TMEM255B: variants seen among roughly 807,000 people sequenced by gnomAD.
The protein encoded by TMEM255B is family with sequence similarity 70, member B.
Under a neutral mutation model 34.5 loss-of-function variants are expected in TMEM255B, and 35 were observed. That is an observed-to-expected ratio of 1.01 (90% CI 0.77 to 1.34). The LOEUF (loss-of-function observed/expected upper bound fraction) is 1.34, where lower values mean the gene tolerates loss of function less well. Ranked by LOEUF, TMEM255B falls within the 40% of genes most tolerant of loss-of-function variation. TMEM255B has a pLI of 0.00. For synonymous variants in TMEM255B, 206 were observed against 201.2 expected (o/e 1.02, Z -0.20); for missense variants, 432 against 433.2 (o/e 1.00, Z 0.02).
intron 4 of TMEM255B, 105 bp downstream of exon 4, chr13:113,795,342 C>T (rs529375874): frequency 1.1e-3 from 1,296 of 1,205,018 alleles, no homozygotes; most frequent in Non-Finnish European, 1.4e-3. Context: ...ACGGCTTCAC[C>T]GTCAGTCTCC....
intron 3 of TMEM255B, among the ~76,000 whole-genome samples, chr13:113,789,145 G>A (rs889521821): frequency 2.7e-5 from 4 of 150,512 alleles, no homozygotes; most frequent in African/African-American, 9.8e-5. Context: ...TGATCACCAT[G>A]ACCTTATGCT....
chr13:113,769,078 C>T lies in TMEM255B; in HGVS notation c.190-20C>T, dbSNP rs371074569. The T allele has an allele frequency of 1.5e-5, 24 of 1,613,694 alleles. No homozygotes were observed. The highest frequency in any genetic ancestry group is 1.6e-4 in the Middle Eastern group (1 of 6,084). ...GGCACGTTAATGAGTGTTTCTCTCTCGTTCTTCCTTTGGTTTTAGCTCGGC... is the reference window on the plus strand; with the variant it reads ...GGCACGTTAATGAGTGTTTCTCTCTTGTTCTTCCTTTGGTTTTAGCTCGGC... On this transcript the variant is annotated intron_variant, in intron 2 of 8. Transcript: ENST00000375353. The surrounding 1 kb of genome is among the most constrained non-coding windows in gnomAD (Gnocchi z 4.2).
chr13:113,802,421 C>T (rs965214121), intron 7 of TMEM255B, among the ~76,000 whole-genome samples: 3 of 152,200 alleles, frequency 2.0e-5, no homozygotes, highest in Non-Finnish European at 4.4e-5. Flanking sequence ...GCAAACCCCG[C>T]CCCCTGAACT....
At position 113,770,517 on chromosome 13, in the gene TMEM255B, G is replaced by A. The variant is rs2050460802; in HGVS notation, c.252+1357G>A. ...GGGTGGGAGGTCCCTGGAGGGTTGG[G>A]GGTGGCTGCAAAGACACTGGGATTC... On this transcript the variant is annotated intron_variant, in intron 3 of 8. Coordinates refer to ENST00000375353, the MANE Select transcript of TMEM255B (RefSeq NM_182614.4). This position sits in a 1 kb window ranked among gnomAD's most constrained non-coding sequence, Gnocchi z 4.6. 6.6e-6 allele frequency among the ~76,000 whole-genome samples: 1 copy of A among 152,194 alleles called. No homozygotes were observed. The highest frequency in any genetic ancestry group is 2.4e-5 in the African/African-American group (1 of 41,448).
At chr13:113,772,132 T>C (rs1343472259) in intron 3 of TMEM255B, among the ~76,000 whole-genome samples, 2 of 152,354 alleles carry the variant, frequency 1.3e-5, no homozygotes, top group East Asian at 3.9e-4. Context: ...TATTGGCCGT[T>C]TGCATATGTT....
At chr13:113,794,054 A>G (rs766839558) in intron 3 of TMEM255B, among the ~76,000 whole-genome samples, 35 of 152,202 alleles carry the variant, frequency 2.3e-4, no homozygotes, top group Admixed American at 1.3e-4. Context: ...GGGTGACGAT[A>G]GGTGTGCAGC....
intron 7 of TMEM255B, chr13:113,803,297 C>G (rs1209211994): frequency 6.7e-6 from 1 of 148,412 alleles, no homozygotes; most frequent in Non-Finnish European, 1.5e-5. Flanking sequence ...AAGGAGAGGA[C>G]TTGCTAACCT....
At chr13:113,804,647 G>T (rs2051131525) in intron 7 of TMEM255B, among the ~76,000 whole-genome samples, 2 of 142,798 alleles carry the variant, frequency 1.4e-5, no homozygotes, top group African/African-American at 5.1e-5. Flanking sequence ...CGCACGCCGG[G>T]CCGGGGTTAG....
At position 113,806,513 on chromosome 13, in the gene TMEM255B, G is replaced by A. The variant is rs1255132358; in HGVS notation, c.813+1485G>A. ...GGGGCCCTGCTCCCTGGGAACACAA[G>A]GCCCCTGCTGGAGGTCTGGCCTGGA... is the stretch of plus-strand genomic sequence containing the variant. On this transcript the variant is annotated intron_variant, in intron 8 of 8. Coordinates refer to ENST00000375353, the MANE Select transcript of TMEM255B (RefSeq NM_182614.4). The surrounding 1 kb of genome is among the most constrained non-coding windows in gnomAD (Gnocchi z 4.2). Among the ~76,000 whole-genome samples the A allele has an allele frequency of 3.3e-5, 5 of 152,272 alleles. No homozygotes were observed. In the East Asian group the frequency reaches 7.7e-4, roughly 24 times the overall value.
At chr13:113,761,147 G>A in intron 1 of TMEM255B, 1 of 982,280 alleles carries the variant, frequency 1.0e-6, no homozygotes, top group Non-Finnish European at 1.2e-6. Context: ...ACCATGACTG[G>A]TGTCCCCACA....
chr13:113,805,795 C>G (rs1399977870), intron 8 of TMEM255B, among the ~76,000 whole-genome samples: 1 of 152,132 alleles, frequency 6.6e-6, no homozygotes, highest in Non-Finnish European at 1.5e-5. Flanking sequence ...GTGCCGTGTG[C>G]CCCCGGGGAC....
At chr13:113,771,409 C>T (rs7997306) in intron 3 of TMEM255B, among the ~76,000 whole-genome samples, 24,917 of 152,150 alleles carry the variant, frequency 0.16, 2,240 homozygotes, top group Middle Eastern at 0.24. Flanking sequence ...GGGCCGGACA[C>T]GGTGGCTCAT....
rs767599243 is a variant in TMEM255B, at chr13:113,806,593, C to T, written c.813+1565C>T. Among the ~76,000 whole-genome samples, 12 of 152,274 alleles carry T rather than the reference C, an allele frequency of 7.9e-5. No homozygotes were observed. Among genetic ancestry groups the T allele is most frequent in the African/African-American group, 2.6e-4 (11 of 41,564 alleles). ...AGATGTGGTCCCCAGGGTCAGATGG[C>T]GGGAGCTTTTGCCAGCGACCCTGCA... On this transcript the variant is annotated intron_variant, in intron 8 of 8. Coordinates refer to ENST00000375353, the MANE Select transcript of TMEM255B (RefSeq NM_182614.4). The surrounding 1 kb of genome is among the most constrained non-coding windows in gnomAD (Gnocchi z 4.2).
chr13:113,807,102 G>C (rs1487847512), intron 8 of TMEM255B, among the ~76,000 whole-genome samples: 2 of 152,200 alleles, frequency 1.3e-5, no homozygotes, highest in Non-Finnish European at 2.9e-5. Context: ...GGGCCCGGCT[G>C]TCTGAAGCTC....
Position 113,806,639 on chromosome 13 carries a change from G to T in TMEM255B, c.813+1611G>T, listed in dbSNP as rs2051177275. Among the ~76,000 whole-genome samples, 1 of 152,160 alleles carries T rather than the reference G, an allele frequency of 6.6e-6. No individual in the cohort carries two copies. Among genetic ancestry groups the T allele is most frequent in the Admixed American group, 6.5e-5 (1 of 15,288 alleles). ...CTGCAGTGGTCACTCCTGCAGGCAG[G>T]CGCGTCTGCTTGGTGCCACAGGCAG... On this transcript the variant is annotated intron_variant, in intron 8 of 8. Transcript: ENST00000375353. This position sits in a 1 kb window ranked among gnomAD's most constrained non-coding sequence, Gnocchi z 4.2.
Position 113,801,785 on chromosome 13 carries a change from C to T in TMEM255B, c.642C>T (p.Ala214=), listed in dbSNP as rs369567975. 64 of 1,611,618 alleles carry T rather than the reference C, an allele frequency of 4.0e-5. No homozygotes were observed. The highest frequency in any genetic ancestry group is 3.0e-4 in the Admixed American group (18 of 59,752). Reference sequence around the variant, plus strand: ...GCCTGTTCCTGGGCATCATCACCGCCGCCGTCCTGGGGGCCTTCAAGGACA... The same window carrying T: ...GCCTGTTCCTGGGCATCATCACCGCTGCCGTCCTGGGGGCCTTCAAGGACA... ...VLGLFLGIIT[A]AVLGAFKDMV... The change falls in exon 7 of 9, where the codon GCC becomes GCT. Residue 214 remains alanine (A), a synonymous_variant. Transcript: ENST00000375353.
intron 3 of TMEM255B, among the ~76,000 whole-genome samples, chr13:113,786,673 TGTCATCACCATCACC>T (rs1467449744): frequency 2.3e-5 from 3 of 128,520 alleles, no homozygotes; most frequent in Non-Finnish European, 5.3e-5. Flanking sequence ...CCATCATCAC[TGTCATCACCATCACC>T]GTCATCACTG....
chr13:113,775,723 C>T (rs1012996050), intron 3 of TMEM255B, among the ~76,000 whole-genome samples: 2 of 152,266 alleles, frequency 1.3e-5, no homozygotes, highest in African/African-American at 2.4e-5. Context: ...CGGCCACACT[C>T]GCTGGGCACC....
intron 3 of TMEM255B, among the ~76,000 whole-genome samples, chr13:113,775,692 C>G (rs1484051528): frequency 6.6e-6 from 1 of 152,256 alleles, no homozygotes; most frequent in Non-Finnish European, 1.5e-5. Context: ...GAGTGGAGCA[C>G]AGGCGGAGCA....
Sources: allele counts gnomAD v4.1 joint callset (sites outside exome capture counted in the v4.1 genomes callset), GRCh38; gene constraint gnomAD v4.1.1; non-coding constraint Gnocchi (gnomAD v3.1); transcripts MANE v1.5; gene names NCBI Gene and HGNC (gene_info 2026-07-23, HGNC 2026-07-21).